GGA2: variants seen among roughly 807,000 people sequenced by gnomAD.
The protein encoded by GGA2 is golgi associated, gamma adaptin ear containing, ARF binding protein 2, also known as ADP-ribosylation factor-binding protein GGA2.
In GGA2, 48 loss-of-function variants were observed where a neutral mutation model predicts 79.5. The ratio of observed to expected loss-of-function variants is 0.60; its 90% CI spans 0.48 to 0.77. The LOEUF is 0.77. GGA2 is among the 30% of genes least tolerant of loss of function. The pLI is 0.00. For synonymous variants in GGA2, 317 were observed against 302.0 expected, an observed-to-expected ratio of 1.05 and a Z score of -0.51; for missense variants, 770 against 774.0, an observed-to-expected ratio of 0.99 and a Z score of 0.06.
chr16:23,491,859 TTAAC>T, intron 4 of GGA2, 59 bp from the exon 5 acceptor site: 2 of 1,224,284 alleles, frequency 1.6e-6, no homozygotes, highest in Non-Finnish European at 2.4e-6. Context: ...GACCGACACT[TTAAC>T]TAAAGAGGTA....
intron 1 of GGA2, among the ~76,000 whole-genome samples, chr16:23,508,574 C>A (rs1333037714): frequency 6.6e-6 from 1 of 152,138 alleles, no homozygotes; most frequent in Non-Finnish European, 1.5e-5. Context: ...TCAGTGGGTG[C>A]CCCTGCAGGT....
chr16:23,504,059 T>G (rs911412574), intron 1 of GGA2, among the ~76,000 whole-genome samples: 1 of 145,988 alleles, frequency 6.8e-6, no homozygotes, highest in African/African-American at 2.5e-5. Context: ...CCAGCCTGGG[T>G]AATAAGAGTG....
At position 23,478,425 on chromosome 16, in the gene GGA2, G is replaced by C; in HGVS notation, c.1235C>G (p.Pro412Arg). Residue 412 changes from proline to arginine, a missense_variant, in exon 13 of 17, where the codon CCT (proline) becomes CGT (arginine). Transcript: ENST00000309859. The part of the protein sequence containing the change: ...STLPGGGVQN[P>R]SADRNLLDLL... ...GTCCAGCAAATTCCTGTCTGCAGAA[G>C]GGTTCTGAACACCACCGCCTGGCAG... 6.2e-7 allele frequency: 1 copy of C among 1,611,746 alleles called. No homozygotes were observed. The highest frequency in any genetic ancestry group is 1.3e-5 in the African/African-American group (1 of 74,992).
upstream of GGA2, among the ~76,000 whole-genome samples, chr16:23,514,077 C>T (rs1239359642): frequency 6.6e-6 from 1 of 152,032 alleles, no homozygotes; most frequent in Admixed American, 6.6e-5. Context: ...GTCTTTATTT[C>T]TGAAAGCTCC....
chr16:23,467,667 T>C lies in GGA2; in HGVS notation c.1765A>G (p.Asn589Asp). The C allele has an allele frequency of 3.7e-6, 6 of 1,606,050 alleles. No homozygotes were observed. The highest frequency in any genetic ancestry group is 5.1e-6 in the Non-Finnish European group (6 of 1,172,664). Reference sequence around the variant, plus strand: ...TCGCTGAAAGGCTGTCCACCTTGGTTGAATGTCAGCTTGTACCGTAAGCGG... The same window carrying C: ...TCGCTGAAAGGCTGTCCACCTTGGTCGAATGTCAGCTTGTACCGTAAGCGG... ...PIRLRYKLTF[N>D]QGGQPFSEVG... Residue 589 changes from asparagine (N) to aspartate (D), a missense_variant, in exon 17 of 17, where the codon AAC becomes GAC. Transcript: ENST00000309859.
chr16:23,490,967 G>GA (rs1337312824), intron 5 of GGA2, among the ~76,000 whole-genome samples: 1 of 152,142 alleles, frequency 6.6e-6, no homozygotes, highest in Non-Finnish European at 1.5e-5. Flanking sequence ...GAGGCTGTGG[G>GA]AGGATCATTT....
At chr16:23,524,058 C>T (rs1266007917), upstream of GGA2, 6 of 340,270 alleles carry the variant, frequency 1.8e-5, no homozygotes, top group African/African-American at 4.2e-5. Flanking sequence ...CCCAAGCCTT[C>T]TGCACTGTTC....
chr16:23,474,627 T>C (rs1229946343), intron 14 of GGA2, among the ~76,000 whole-genome samples: 1 of 151,872 alleles, frequency 6.6e-6, no homozygotes, highest in Non-Finnish European at 1.5e-5. Context: ...AATTTTTTTC[T>C]TCCCCCCCAA....
chr16:23,523,368 A>G (rs1674141706), upstream of GGA2: 1 of 152,260 alleles, frequency 6.6e-6, no homozygotes, highest in African/African-American at 2.4e-5. Flanking sequence ...AGAGAAAGCC[A>G]CAAAATAGGA....
At chr16:23,486,571 G>C (rs980964519) in intron 7 of GGA2, 139 bp downstream of exon 7, 18 of 719,238 alleles carry the variant, frequency 2.5e-5, no homozygotes, top group South Asian at 2.5e-4. Context: ...GACTATGGCT[G>C]TTCCCCAGAG....
rs536907514 is a variant in GGA2, at chr16:23,474,634, C to G, written c.1450+270G>C. Among the ~76,000 whole-genome samples the G allele has an allele frequency of 6.9e-4, 105 of 151,758 alleles. 2 individuals are homozygous for G. The highest frequency in any genetic ancestry group is 2.7e-3 in the East Asian group (14 of 5,144). Reference sequence around the variant, plus strand: ...GGCCTCCCAATTTTTTTCTTCCCCCCCAAATAGAGACAAGGCTATGTCGCC... The same window carrying G: ...GGCCTCCCAATTTTTTTCTTCCCCCGCAAATAGAGACAAGGCTATGTCGCC... On this transcript the variant is annotated intron_variant, in intron 14 of 16. Coordinates refer to ENST00000309859, the MANE Select transcript of GGA2 (RefSeq NM_015044.4).
At position 23,510,418 on chromosome 16, in the gene GGA2, AG is replaced by A; in HGVS notation, c.-8del. On this transcript the variant is annotated 5_prime_UTR_variant, in exon 1 of 17. Coordinates refer to ENST00000309859, the MANE Select transcript of GGA2 (RefSeq NM_015044.4). ...CCACCGCGGTCGCCGCCATCGCTCC[AG>A]CCCCGACGCTGCGGCCGCGGGCGCC... 1.6e-6 allele frequency: 2 copies of A among 1,226,158 alleles called. No individual in the cohort carries two copies. The highest frequency in any genetic ancestry group is 2.1e-6 in the Non-Finnish European group (2 of 948,310). 76.0% of individuals were successfully genotyped at this position (1,226,158 alleles called of 1,614,324 possible).
intron 1 of GGA2, among the ~76,000 whole-genome samples, chr16:23,504,045 C>T (rs1964948269): frequency 1.3e-5 from 2 of 151,168 alleles, no homozygotes; most frequent in Non-Finnish European, 2.9e-5. Flanking sequence ...CGTGCCATTG[C>T]ACTCCAGCCT....
chr16:23,491,230 C>A (rs1470351259), intron 5 of GGA2, among the ~76,000 whole-genome samples: 1 of 147,066 alleles, frequency 6.8e-6, no homozygotes, highest in Non-Finnish European at 1.5e-5. Flanking sequence ...TGGCTGGAGT[C>A]CAGAAGGTCG....
intron 1 of GGA2, among the ~76,000 whole-genome samples, chr16:23,500,022 G>A (rs559176722): frequency 6.6e-6 from 1 of 152,346 alleles, no homozygotes; most frequent in South Asian, 2.1e-4. Context: ...CCTTCAGTTG[G>A]TGGGAAGCAG....
Position 23,486,806 on chromosome 16 carries a change from AG to A in GGA2, c.580-17del. The A allele has an allele frequency of 1.3e-6, 2 of 1,521,542 alleles. No individual in the cohort carries two copies. Among genetic ancestry groups the A allele is most frequent in the African/African-American group, 1.4e-5 (1 of 73,322 alleles). 94.3% of individuals were successfully genotyped at this position (1,521,542 alleles called of 1,614,324 possible). On this transcript the variant is annotated splice_polypyrimidine_tract_variant and intron_variant, in intron 6 of 16. Transcript: ENST00000309859. The stretch of plus-strand genomic sequence containing the variant: ...TTGTCAGAAGCTGCAGAGAGTGAAC[AG>A]GAAGAGTAGGTGAGACCACAACTCC...
At chr16:23,508,353 G>A (rs2142145642) in intron 1 of GGA2, among the ~76,000 whole-genome samples, 1 of 152,216 alleles carries the variant, frequency 6.6e-6, no homozygotes, top group Non-Finnish European at 1.5e-5. Context: ...GGCATGAACA[G>A]CCTTTTTTTC....
upstream of GGA2, chr16:23,522,928 G>C (rs6497669): frequency 0.82 from 124,986 of 152,182 alleles, 51,423 homozygotes; most frequent in Middle Eastern, 0.89. Flanking sequence ...GGGAGGCCTC[G>C]ATCCCTTGTC....
rs575100594 is a variant in GGA2 at position 23,493,547 on chromosome 16, G to A, written c.253-89C>T. The A allele has an allele frequency of 3.0e-4, 256 of 852,288 alleles. 2 individuals are homozygous for A. The East Asian group carries it at 4.3e-3, about 14-fold the overall frequency. The allele number at this position is 852,288 out of a possible 1,614,324, so 52.8% of individuals were successfully genotyped here. On this transcript the variant is annotated intron_variant, in intron 3 of 16. Transcript: ENST00000309859. ...CTGGTAATCACTTGCTGGAGACTGC[G>A]CTGGAACCAAGGCTAACCCTGCCTC...
Sources: allele counts gnomAD v4.1 joint callset (sites outside exome capture counted in the v4.1 genomes callset), GRCh38; gene constraint gnomAD v4.1.1; transcripts MANE v1.5; gene names NCBI Gene and HGNC (gene_info 2026-07-23, HGNC 2026-07-21).